The following SLC17A1 variants were observed in gnomAD, a reference collection of about 807,000 sequenced individuals.
SLC17A1 encodes the protein sodium-dependent phosphate transport protein 1.
Under a neutral mutation model 53.5 loss-of-function variants are expected in SLC17A1, and 51 were observed. That is an observed-to-expected ratio of 0.95 (90% CI 0.76 to 1.20). The LOEUF (loss-of-function observed/expected upper bound fraction) is 1.20, where lower values mean the gene tolerates loss of function less well. Ranked by LOEUF, SLC17A1 falls within the 50% of genes most tolerant of loss-of-function variation. The pLI, the probability that SLC17A1 is intolerant of heterozygous loss-of-function variation, is 0.00. For missense variants in SLC17A1, 538 were observed against 568.2 expected (o/e 0.95, Z 0.54); for synonymous variants, 179 against 198.8 (o/e 0.90, Z 0.84).
chr6:25,741,277 A>G, the SLC17A1 span, among the ~76,000 whole-genome samples: 2 of 152,146 alleles, frequency 1.3e-5, no homozygotes, highest in Non-Finnish European at 2.9e-5. Context: ...TTGTTAAAGT[A>G]TACAAAATAT....
intron 10 of SLC17A1, 34 bp downstream of exon 10, chr6:25,811,364 A>T: frequency 6.4e-7 from 1 of 1,569,278 alleles, no homozygotes; most frequent in Non-Finnish European, 8.7e-7. Flanking sequence ...TTTATTTGTT[A>T]AAGGTTAAAA....
the SLC17A1 span, among the ~76,000 whole-genome samples, chr6:25,733,195 G>A: frequency 6.6e-6 from 1 of 152,166 alleles, no homozygotes; most frequent in Non-Finnish European, 1.5e-5. Flanking sequence ...TTCTTCTTGG[G>A]AAAATGAACA....
rs80133900 is a variant in SLC17A1, at chr6:25,804,855, C to T, written c.1179-3875G>A. Among the ~76,000 whole-genome samples, 1,164 of 152,060 alleles carry T rather than the reference C, an allele frequency of 7.7e-3. 5 individuals are homozygous for T. Among genetic ancestry groups the T allele is most frequent in the Middle Eastern group, 0.024 (7 of 294 alleles). Reference sequence around the variant, plus strand: ...TATTACAATACTAAATTTATGTGGACCTAACATTGGAGCTCCAAGATTTAT... The same window carrying T: ...TATTACAATACTAAATTTATGTGGATCTAACATTGGAGCTCCAAGATTTAT... On this transcript the variant is annotated intron_variant, in intron 10 of 12. Coordinates refer to ENST00000244527, the MANE Select transcript of SLC17A1 (RefSeq NM_005074.5).
intron 12 of SLC17A1, among the ~76,000 whole-genome samples, chr6:25,783,435 C>A (rs1053067709): frequency 1.3e-5 from 2 of 152,108 alleles, no homozygotes; most frequent in Non-Finnish European, 2.9e-5. Context: ...GCTGTCTGTG[C>A]AAGTTTATTA....
At chr6:25,810,883 A>G (rs1764131020) in intron 10 of SLC17A1, among the ~76,000 whole-genome samples, 1 of 152,172 alleles carries the variant, frequency 6.6e-6, no homozygotes, top group Admixed American at 6.5e-5. Context: ...ATGGCATAAC[A>G]AACATGTGGT....
the SLC17A1 span, among the ~76,000 whole-genome samples, chr6:25,752,268 G>A: frequency 4.6e-5 from 7 of 152,170 alleles, no homozygotes; most frequent in Non-Finnish European, 1.0e-4. Context: ...CTACAAACCT[G>A]TACCACATGT....
At chr6:25,781,224 A>G (rs1481770921), downstream of SLC17A1, 1 of 56,392 alleles carries the variant, frequency 1.8e-5, no homozygotes, top group Non-Finnish European at 4.3e-5. Context: ...AGAGAGAGAG[A>G]GAAAGAAAGA....
At chr6:25,791,025 C>T (rs1480565384) in intron 12 of SLC17A1, among the ~76,000 whole-genome samples, 1 of 152,024 alleles carries the variant, frequency 6.6e-6, no homozygotes, top group Non-Finnish European at 1.5e-5. Context: ...AGATAACAAC[C>T]TTAAGTTTTG....
the SLC17A1 span, among the ~76,000 whole-genome samples, chr6:25,763,148 G>T: frequency 1.3e-5 from 2 of 152,104 alleles, no homozygotes; most frequent in Non-Finnish European, 2.9e-5. Context: ...GAACTTCTAT[G>T]GTCTTTCTGG....
At chr6:25,755,022 GAGAC>G in the SLC17A1 span, among the ~76,000 whole-genome samples, 10 of 139,304 alleles carry the variant, frequency 7.2e-5, no homozygotes, top group South Asian at 2.4e-4. Flanking sequence ...TAGCTGAACA[GAGAC>G]AGACAGACAG....
intron 6 of SLC17A1, among the ~76,000 whole-genome samples, chr6:25,813,739 GTGGTAGAA>G (rs1417981289): frequency 3.3e-5 from 5 of 152,158 alleles, no homozygotes; most frequent in East Asian, 1.9e-4. Flanking sequence ...CCTCTACCCA[GTGGTAGAA>G]GGTGTTCCCC....
At chr6:25,769,018 T>C in the SLC17A1 span, 5 of 1,613,960 alleles carry the variant, frequency 3.1e-6, no homozygotes, top group Non-Finnish European at 2.5e-6. Flanking sequence ...CTGGCCCTCA[T>C]CTTGCAGCTC....
the SLC17A1 span, among the ~76,000 whole-genome samples, chr6:25,758,364 C>G: frequency 7.2e-5 from 11 of 152,332 alleles, no homozygotes; most frequent in African/African-American, 2.2e-4. Context: ...ACCTGTGTCC[C>G]TGAAATTTAT....
At chr6:25,773,825 GGATTCT>G in the SLC17A1 span, 1 of 710,382 alleles carries the variant, frequency 1.4e-6, no homozygotes, top group African/African-American at 1.8e-5. Flanking sequence ...TAGTTAATTT[GGATTCT>G]GATTGATCTC....
chr6:25,726,890 G>A, the SLC17A1 span: 2 of 1,603,606 alleles, frequency 1.2e-6, no homozygotes, highest in East Asian at 2.2e-5. Flanking sequence ...GTGTAACGCT[G>A]CAGAAGTGTG....
chr6:25,830,647 G>C (rs1764914466), intron 1 of SLC17A1, 40 bp from the exon 2 acceptor site: 3 of 1,422,848 alleles, frequency 2.1e-6, no homozygotes, highest in Non-Finnish European at 9.9e-7. Flanking sequence ...ATAATGTAGA[G>C]AGGCAACTGA....
the SLC17A1 span, chr6:25,726,684 C>G: frequency 2.7e-6 from 3 of 1,097,898 alleles, no homozygotes; most frequent in African/African-American, 4.7e-5. Context: ...TTTGCATTCA[C>G]GCCACTTCCC....
chr6:25,732,802 C>T, the SLC17A1 span: 1 of 721,660 alleles, frequency 1.4e-6, no homozygotes, highest in Non-Finnish European at 2.2e-6. Context: ...TTGGGAGCCA[C>T]TACCACAAAG....
chr6:25,819,945 ACT>A (rs982848955), intron 3 of SLC17A1, 30 bp from the exon 4 acceptor site: 3 of 1,431,352 alleles, frequency 2.1e-6, no homozygotes, highest in African/African-American at 2.8e-5. Context: ...ATGTCGAATC[ACT>A]CTGCATATCA....
Sources: gnomAD v4.1 joint callset for allele counts (sites outside exome capture counted in the v4.1 genomes callset) on GRCh38, gnomAD v4.1.1 for gene constraint, MANE v1.5 for transcripts, NCBI Gene and HGNC (gene_info 2026-07-23, HGNC 2026-07-21) for gene names.